CEP128: variants seen among roughly 807,000 people sequenced by gnomAD.
CEP128 encodes centrosomal protein 128kDa.
CEP128 carries 132 observed loss-of-function variants against 156.7 expected under a neutral mutation model. That is an observed-to-expected ratio of 0.84 (90% CI 0.73 to 0.97). CEP128 has a LOEUF of 0.97. CEP128 is among the 50% of genes least tolerant of loss of function. The pLI, the probability that CEP128 is intolerant of heterozygous loss-of-function variation, is 0.00. For synonymous variants in CEP128, 469 were observed against 448.9 expected (o/e 1.04, Z -0.57); for missense variants, 1,252 against 1,281.9 (o/e 0.98, Z 0.36).
intron 19 of CEP128, among the ~76,000 whole-genome samples, chr14:80,608,217 A>G (rs1892860512): frequency 6.6e-6 from 1 of 152,182 alleles, no homozygotes; most frequent in South Asian, 2.1e-4. Flanking sequence ...CATGAAGAAC[A>G]TTATCTATAT....
intron 19 of CEP128, among the ~76,000 whole-genome samples, chr14:80,614,534 T>C (rs1893133756): frequency 6.6e-6 from 1 of 152,190 alleles, no homozygotes; most frequent in Non-Finnish European, 1.5e-5. Context: ...CTAGGGTCTC[T>C]GTAGATCTGG....
chr14:80,656,427 T>C (rs1895177201), intron 19 of CEP128, among the ~76,000 whole-genome samples: 1 of 148,548 alleles, frequency 6.7e-6, no homozygotes, highest in Non-Finnish European at 1.5e-5. Context: ...CAGGTTGCTT[T>C]AGGCCAACTT....
intron 13 of CEP128, among the ~76,000 whole-genome samples, chr14:80,829,566 C>T (rs779025417): frequency 6.6e-6 from 1 of 152,210 alleles, no homozygotes; most frequent in Admixed American, 6.5e-5. Flanking sequence ...CAAGCCACTG[C>T]TCCCAGCCTG....
intron 21 of CEP128, among the ~76,000 whole-genome samples, chr14:80,539,321 TGA>T (rs1889632929): frequency 6.6e-6 from 1 of 152,168 alleles, no homozygotes; most frequent in Admixed American, 6.5e-5. Context: ...TGGAGCAGAC[TGA>T]GTCATGAGCA....
intron 23 of CEP128, among the ~76,000 whole-genome samples, chr14:80,506,857 G>T (rs150612145): frequency 3.0e-4 from 46 of 152,202 alleles, no homozygotes; most frequent in Non-Finnish European, 5.4e-4. Context: ...ATATAGTTAG[G>T]GTATTTTCCC....
At chr14:80,673,671 A>AAAAAAAAT (rs1895944752) in intron 19 of CEP128, among the ~76,000 whole-genome samples, 3 of 145,922 alleles carry the variant, frequency 2.1e-5, no homozygotes, top group Admixed American at 6.8e-5. Flanking sequence ...AAAAAAAAAA[A>AAAAAAAAT]TGTACTAAAG....
intron 19 of CEP128, among the ~76,000 whole-genome samples, chr14:80,644,403 G>A (rs1244499320): frequency 6.6e-6 from 1 of 152,188 alleles, no homozygotes; most frequent in African/African-American, 2.4e-5. Context: ...TGCTGAATAA[G>A]TAGGGCCTGC....
chr14:80,666,818 T>C (rs908914005), intron 19 of CEP128, among the ~76,000 whole-genome samples: 2 of 148,200 alleles, frequency 1.3e-5, no homozygotes, highest in Non-Finnish European at 3.0e-5. Context: ...AAGTAACAAA[T>C]GACGAAGAAC....
chr14:80,589,178 C>T (rs932632046), intron 19 of CEP128, among the ~76,000 whole-genome samples: 2 of 152,078 alleles, frequency 1.3e-5, no homozygotes, highest in African/African-American at 2.4e-5. Context: ...AGAAAACAGA[C>T]TCTTCAAGAG....
chr14:80,870,800 C>T (rs1887986945), intron 8 of CEP128, among the ~76,000 whole-genome samples: 1 of 151,586 alleles, frequency 6.6e-6, no homozygotes, highest in Non-Finnish European at 1.5e-5. Context: ...AGGAAGAAGT[C>T]AAATTGTCCC....
intron 19 of CEP128, among the ~76,000 whole-genome samples, chr14:80,598,425 G>C (rs1892434582): frequency 6.6e-6 from 1 of 152,040 alleles, no homozygotes; most frequent in Admixed American, 6.5e-5. Flanking sequence ...AACATGTAAA[G>C]AATTTGTTTG....
Position 80,525,245 on chromosome 14 carries a change from T to C in CEP128, c.3072+1624A>G, listed in dbSNP as rs144511830. ...TGACTTCCAGAAAAAATTAGGTATATAAGGTCTAAATTTATACTGTAATGG... is the reference window on the plus strand; with the variant it reads ...TGACTTCCAGAAAAAATTAGGTATACAAGGTCTAAATTTATACTGTAATGG... On this transcript the variant is annotated intron_variant, in intron 23 of 24. Coordinates refer to ENST00000555265, the MANE Select transcript of CEP128 (RefSeq NM_152446.5). 4.9e-3 allele frequency among the ~76,000 whole-genome samples: 746 copies of C among 152,276 alleles called. 7 individuals carry two copies. Among genetic ancestry groups the C allele is most frequent in the African/African-American group, 0.016 (676 of 41,552 alleles).
intron 19 of CEP128, among the ~76,000 whole-genome samples, chr14:80,702,982 A>T (rs1193284324): frequency 1.3e-5 from 2 of 152,188 alleles, no homozygotes; most frequent in African/African-American, 4.8e-5. Flanking sequence ...TTATGTATGT[A>T]TGTATGTACG....
At chr14:80,763,129 A>G (rs1900053566) in intron 16 of CEP128, among the ~76,000 whole-genome samples, 1 of 152,216 alleles carries the variant, frequency 6.6e-6, no homozygotes, top group Admixed American at 6.5e-5. Flanking sequence ...AGGAAATTAG[A>G]GCAAGGGGAG....
intron 10 of CEP128, among the ~76,000 whole-genome samples, chr14:80,839,881 C>T (rs1250349568): frequency 2.0e-5 from 3 of 152,110 alleles, no homozygotes; most frequent in African/African-American, 4.8e-5. Flanking sequence ...AGAAATCATA[C>T]TTGAAGCAAA....
intron 20 of CEP128, among the ~76,000 whole-genome samples, chr14:80,564,603 C>T (rs934937576): frequency 6.6e-6 from 1 of 152,178 alleles, no homozygotes; most frequent in African/African-American, 2.4e-5. Flanking sequence ...AACCCTGAAG[C>T]TGTCCTTGTT....
At chr14:80,793,470 T>C (rs1409773187) in intron 13 of CEP128, among the ~76,000 whole-genome samples, 1 of 152,164 alleles carries the variant, frequency 6.6e-6, no homozygotes, top group African/African-American at 2.4e-5. Context: ...GTTTTAAAAT[T>C]TGTCAGGTTA....
intron 20 of CEP128, among the ~76,000 whole-genome samples, chr14:80,579,939 T>C (rs1416410915): frequency 6.6e-6 from 1 of 152,232 alleles, no homozygotes; most frequent in African/African-American, 2.4e-5. Flanking sequence ...ATTGAGAGGC[T>C]GTACAAGGCA....
At chr14:80,655,737 C>A (rs1566837255) in intron 19 of CEP128, among the ~76,000 whole-genome samples, 1 of 152,108 alleles carries the variant, frequency 6.6e-6, no homozygotes, top group Non-Finnish European at 1.5e-5. Context: ...TAGATGGGTG[C>A]TGGTGGTGGT....
Sources: gnomAD v4.1 joint callset for allele counts (sites outside exome capture counted in the v4.1 genomes callset) on GRCh38, gnomAD v4.1.1 for gene constraint, MANE v1.5 for transcripts, NCBI Gene and HGNC (gene_info 2026-07-23, HGNC 2026-07-21) for gene names.